MOSPD1: variants seen among roughly 807,000 people sequenced by gnomAD.
MOSPD1 encodes the protein motile sperm domain-containing protein 1.
In MOSPD1, 5 loss-of-function variants were observed where a neutral mutation model predicts 16.7. That is an observed-to-expected ratio of 0.30 (90% confidence interval 0.16 to 0.63). The LOEUF (loss-of-function observed/expected upper bound fraction) is 0.63, where lower values mean the gene tolerates loss of function less well. Ranked by LOEUF, MOSPD1 falls within the 30% of genes least tolerant of loss-of-function variation. MOSPD1 has a pLI of 0.82. For synonymous variants in MOSPD1, 67 were observed against 59.2 expected, an observed-to-expected ratio of 1.13 and a Z score of -0.61; for missense variants, 104 against 153.6, an observed-to-expected ratio of 0.68 and a Z score of 1.71.
At chrX:134,896,037 A>G (rs2082883446) in intron 4 of MOSPD1, among the ~76,000 whole-genome samples, 1 of 111,463 alleles carries the variant, frequency 9.0e-6, no homozygotes, top group African/African-American at 3.3e-5. Flanking sequence ...AAATGTTGCA[A>G]TTTCAAGGAC....
intron 5 of MOSPD1, among the ~76,000 whole-genome samples, chrX:134,891,104 C>T (rs1205440153): frequency 9.0e-6 from 1 of 111,118 alleles, no homozygotes; most frequent in Non-Finnish European, 1.9e-5. Context: ...AAAAGAGAAA[C>T]GTTCACAATA....
chrX:134,899,665 A>C, intron 1 of MOSPD1, 131 bp from the exon 2 acceptor site: 1 of 284,416 alleles, frequency 3.5e-6, no homozygotes, highest in East Asian at 5.8e-5. Flanking sequence ...GCAGTAGCTC[A>C]TGCCTGTAAT....
At chrX:134,913,693 A>G (rs923420259) in intron 1 of MOSPD1, among the ~76,000 whole-genome samples, 1 of 112,101 alleles carries the variant, frequency 8.9e-6, no homozygotes, top group Admixed American at 9.5e-5. Context: ...AATATTGTCC[A>G]TTACATTTAA....
At chrX:134,903,701 G>C in intron 1 of MOSPD1, among the ~76,000 whole-genome samples, 1 of 79,209 alleles carries the variant, frequency 1.3e-5, no homozygotes, top group South Asian at 6.2e-4. Flanking sequence ...GACAGAGTGA[G>C]ACTCCATCTC....
chrX:134,903,554 A>G (rs2082924577), intron 1 of MOSPD1, among the ~76,000 whole-genome samples: 1 of 107,976 alleles, frequency 9.3e-6, no homozygotes, highest in Admixed American at 1.0e-4. Flanking sequence ...TCTATTAAAC[A>G]TACTAAAATT....
At chrX:134,910,259 G>T (rs749684957) in intron 1 of MOSPD1, among the ~76,000 whole-genome samples, 53 of 111,179 alleles carry the variant, frequency 4.8e-4, no homozygotes, top group Non-Finnish European at 7.2e-4. Context: ...ACAAAAATGA[G>T]CTGGGCATGG....
At chrX:134,912,745 C>T (rs1283240471) in intron 1 of MOSPD1, among the ~76,000 whole-genome samples, 1 of 107,208 alleles carries the variant, frequency 9.3e-6, no homozygotes, top group Non-Finnish European at 1.9e-5. Context: ...CGAGACCATC[C>T]TGGCTAACAC....
intron 1 of MOSPD1, among the ~76,000 whole-genome samples, chrX:134,903,726 AAAAG>A (rs1465327037): frequency 3.9e-5 from 4 of 102,877 alleles, no homozygotes; most frequent in East Asian, 3.2e-4. Context: ...AAAAAAAAAA[AAAAG>A]AAAGAAAGAA....
At chrX:134,909,082 A>C (rs185573195) in intron 1 of MOSPD1, among the ~76,000 whole-genome samples, 1,245 of 109,631 alleles carry the variant, frequency 0.011, 27 homozygotes, top group African/African-American at 0.04. Context: ...CCTGGATAAC[A>C]CAGTGAAATC....
At chrX:134,891,715 C>A in intron 4 of MOSPD1, 75 bp from the exon 5 acceptor site, 1 of 967,161 alleles carries the variant, frequency 1.0e-6, no homozygotes, top group Admixed American at 2.9e-5. Flanking sequence ...ACACTGGCCA[C>A]CACAGACCAG....
rs763157635 is a variant in MOSPD1 at position 134,902,390 on chromosome X, CATAA to C, written c.-101-2860_-101-2857del. ...GGGCAACAAGAGCGAAATTCCGTCT[CATAA>C]ATAAATAAATAAATAAATAAATAAA... On this transcript the variant is annotated intron_variant, in intron 1 of 5. Transcript: ENST00000370783. Among the ~76,000 whole-genome samples the C allele has an allele frequency of 3.4e-3, 335 of 99,524 alleles. 1 individual carries two copies. Among genetic ancestry groups the C allele is most frequent in the African/African-American group, 7.9e-3 (209 of 26,419 alleles). 86.4% of individuals were successfully genotyped at this position (99,524 alleles called of 115,157 possible). A position where few individuals can be genotyped will look rare whatever the true frequency, so the allele number is the denominator to read the frequency against.
chrX:134,899,131 A>C lies in MOSPD1; in HGVS notation c.189T>G (p.Val63=), dbSNP rs1416537189. The change falls in exon 3 of 6, where the codon GTT becomes GTG. Residue 63 remains valine, a synonymous_variant. Transcript: ENST00000370783. The part of the protein sequence containing the change: ...LCTTPNKYVV[V]DAAGAVKPQC... ...GAGGCTTTACTGCACCTGCAGCATC[A>C]ACGACAACATACTTATTTGGAGTAG... 1.7e-6 allele frequency: 2 copies of C among 1,209,819 alleles called. No individual in the cohort carries two copies. The highest frequency in any genetic ancestry group is 4.4e-5 in the Admixed American group (2 of 45,850).
intron 1 of MOSPD1, among the ~76,000 whole-genome samples, chrX:134,909,171 T>C (rs58495299): frequency 0.026 from 2,848 of 108,282 alleles, 99 homozygotes; most frequent in African/African-American, 0.091. Flanking sequence ...CTCGGGAGGC[T>C]GAGGCAGGAG....
rs190516214 is a variant in MOSPD1 at position 134,905,557 on chromosome X, G to A, written c.-101-6023C>T. On this transcript the variant is annotated intron_variant, in intron 1 of 5. Transcript: ENST00000370783. ...CTTTGAATACTTATTTAAAAAAAAC[G>A]AATATTTAAAAAAAAAATTAAGTAA... Among the ~76,000 whole-genome samples, 521 of 82,312 alleles carry A rather than the reference G, an allele frequency of 6.3e-3. 6 individuals carry two copies. The highest frequency in any genetic ancestry group is 0.011 in the Admixed American group (95 of 8,611). 71.5% of individuals were successfully genotyped at this position (82,312 alleles called of 115,157 possible).
chrX:134,903,284 A>T (rs1419446666), intron 1 of MOSPD1, among the ~76,000 whole-genome samples: 4 of 111,938 alleles, frequency 3.6e-5, no homozygotes, highest in East Asian at 2.8e-4. Flanking sequence ...AGTTTTTTTT[A>T]AAAAGTAAAA....
Position 134,888,437 on chromosome X carries a change from G to A in MOSPD1, c.*724C>T, listed in dbSNP as rs2082844528. ...CATTAACCAGAGGTAAAGCCAGGGT[G>A]AACCAACTAATTAAACAGATGCCTA... On this transcript the variant is annotated 3_prime_UTR_variant, in exon 6 of 6. Transcript: ENST00000370783. The A allele has an allele frequency of 9.0e-6, 1 of 111,103 alleles. No individual in the cohort carries two copies. The highest frequency in any genetic ancestry group is 3.8e-4 in the South Asian group (1 of 2,602). 9.2% of individuals were successfully genotyped at this position (111,103 alleles called of 1,213,427 possible). A position where few individuals can be genotyped will look rare whatever the true frequency, so the allele number is the denominator to read the frequency against.
At chrX:134,890,936 T>C (rs376280014) in intron 5 of MOSPD1, among the ~76,000 whole-genome samples, 1 of 112,020 alleles carries the variant, frequency 8.9e-6, no homozygotes, top group Non-Finnish European at 1.9e-5. Flanking sequence ...CCTCGACACA[T>C]GGAAGGTACG....
intron 1 of MOSPD1, among the ~76,000 whole-genome samples, chrX:134,900,967 T>C (rs778496544): frequency 1.3e-4 from 14 of 110,285 alleles, no homozygotes; most frequent in African/African-American, 4.6e-4. Flanking sequence ...CTATAAGCCA[T>C]TTAACAGTTT....
intron 1 of MOSPD1, among the ~76,000 whole-genome samples, chrX:134,901,093 A>G (rs946098303): frequency 9.1e-6 from 1 of 110,463 alleles, no homozygotes; most frequent in African/African-American, 3.3e-5. Context: ...ACTTCTATCA[A>G]ATAGGAGCTA....
Sources: gnomAD v4.1 joint callset for allele counts (sites outside exome capture counted in the v4.1 genomes callset) on GRCh38, gnomAD v4.1.1 for gene constraint, MANE v1.5 for transcripts, NCBI Gene and HGNC (gene_info 2026-07-23, HGNC 2026-07-21) for gene names.